TENM2: variants seen among roughly 807,000 people sequenced by gnomAD.
TENM2 encodes the protein teneurin-2.
A neutral mutation model predicts 245.2 loss-of-function variants in TENM2; 52 were observed. The ratio of observed to expected loss-of-function variants is 0.21; its 90% CI spans 0.17 to 0.27. The LOEUF (loss-of-function observed/expected upper bound fraction) is 0.27. Ranked by LOEUF, TENM2 falls within the 10% of genes least tolerant of loss-of-function variation. The pLI, the probability that TENM2 is intolerant of heterozygous loss-of-function variation, is 1.00. For missense variants in TENM2, 3,046 were observed against 3,666.8 expected (o/e 0.83, Z 4.37); for synonymous variants, 1,363 against 1,438.9 (o/e 0.95, Z 1.19).
chr5:167,850,644 TG>T, intron 2 of TENM2, among the ~76,000 whole-genome samples: 1 of 152,274 alleles, frequency 6.6e-6, no homozygotes, highest in South Asian at 2.1e-4. Flanking sequence ...GCAATAAATA[TG>T]AAACAGGAAA....
At chr5:168,147,871 C>T (rs1756246281) in intron 12 of TENM2, among the ~76,000 whole-genome samples, 1 of 152,192 alleles carries the variant, frequency 6.6e-6, no homozygotes, top group South Asian at 2.1e-4. Flanking sequence ...CTAAAAGGTA[C>T]GTTCAGCAGA....
chr5:167,781,359 T>C (rs751879557), intron 2 of TENM2, among the ~76,000 whole-genome samples: 2 of 152,200 alleles, frequency 1.3e-5, no homozygotes, highest in African/African-American at 2.4e-5. Context: ...TCCAAATACC[T>C]TTATTGGAGC....
At chr5:168,257,853 A>T (rs1238374461) in intron 27 of TENM2, among the ~76,000 whole-genome samples, 2 of 151,974 alleles carry the variant, frequency 1.3e-5, no homozygotes, top group Non-Finnish European at 2.9e-5. Flanking sequence ...TGACCTGGTG[A>T]TCCGCCTGCC....
At chr5:168,183,081 C>T (rs944411578) in intron 13 of TENM2, among the ~76,000 whole-genome samples, 3 of 152,100 alleles carry the variant, frequency 2.0e-5, no homozygotes, top group South Asian at 2.1e-4. Flanking sequence ...CCACCCGCCT[C>T]GGCTTCTCAA....
chr5:167,208,175 G>A, the TENM2 span, among the ~76,000 whole-genome samples: 1 of 147,420 alleles, frequency 6.8e-6, no homozygotes, highest in Non-Finnish European at 1.5e-5. Flanking sequence ...TACGTGTTGA[G>A]GGTCAGAAAG....
At chr5:167,072,569 C>T in the TENM2 span, among the ~76,000 whole-genome samples, 11 of 152,152 alleles carry the variant, frequency 7.2e-5, no homozygotes, top group East Asian at 1.9e-4. Flanking sequence ...TTTTACGTGC[C>T]GGGCACTGTG....
chr5:167,407,596 T>A (rs918196380), intron 2 of TENM2, among the ~76,000 whole-genome samples: 1 of 152,138 alleles, frequency 6.6e-6, no homozygotes, highest in African/African-American at 2.4e-5. Context: ...GGCGGGCAGA[T>A]CACCTGAGGT....
At chr5:167,355,941 G>C (rs1759285019) in intron 1 of TENM2, among the ~76,000 whole-genome samples, 1 of 148,548 alleles carries the variant, frequency 6.7e-6, no homozygotes, top group Admixed American at 6.8e-5. Context: ...CTAGCACTTT[G>C]GGAGGCCGAG....
At chr5:167,532,892 C>A (rs1771613370) in intron 2 of TENM2, among the ~76,000 whole-genome samples, 3 of 149,976 alleles carry the variant, frequency 2.0e-5, no homozygotes. Flanking sequence ...GTGATGAAAG[C>A]AAGACATGGG....
chr5:167,143,387 C>T, the TENM2 span, among the ~76,000 whole-genome samples: 6 of 152,176 alleles, frequency 3.9e-5, no homozygotes, highest in African/African-American at 1.4e-4. Flanking sequence ...TATGCTTTTA[C>T]CACCATTCGT....
Position 167,537,286 on chromosome 5 carries a change from G to C in TENM2, c.502+161813G>C, listed in dbSNP as rs568086354. ...AAAAAAAAGCCAGTTGGTTTTTTCA[G>C]CTAGATTTTTTCATCTGCAAAGCTA... On this transcript the variant is annotated intron_variant, in intron 2 of 28. Coordinates refer to ENST00000518659, the Ensembl canonical transcript of TENM2. Among the ~76,000 whole-genome samples the C allele has an allele frequency of 1.4e-4, 21 of 146,282 alleles. No homozygotes were observed. In the East Asian group the frequency reaches 4.2e-3, roughly 29 times the overall value.
At chr5:168,053,454 A>G (rs887602541) in intron 6 of TENM2, among the ~76,000 whole-genome samples, 8 of 152,178 alleles carry the variant, frequency 5.3e-5, no homozygotes, top group East Asian at 1.9e-4. Flanking sequence ...TATCTGGTCT[A>G]TGATCTCTAA....
chr5:167,136,598 T>C, the TENM2 span, among the ~76,000 whole-genome samples: 2 of 152,188 alleles, frequency 1.3e-5, no homozygotes, highest in Non-Finnish European at 2.9e-5. Flanking sequence ...TCCACCCCTA[T>C]TTCTTCTTTA....
chr5:167,813,123 A>T (rs1429977960), intron 2 of TENM2, among the ~76,000 whole-genome samples: 1 of 152,132 alleles, frequency 6.6e-6, no homozygotes, highest in African/African-American at 2.4e-5. Flanking sequence ...TTTCCTGGCC[A>T]CCTTTGCTGG....
chr5:167,918,295 C>G (rs1421017967), intron 3 of TENM2, among the ~76,000 whole-genome samples: 1 of 152,182 alleles, frequency 6.6e-6, no homozygotes, highest in Non-Finnish European at 1.5e-5. Context: ...TGAACATTTT[C>G]AGGATGTGAC....
At chr5:167,772,111 G>A (rs1388596850) in intron 2 of TENM2, among the ~76,000 whole-genome samples, 1 of 152,094 alleles carries the variant, frequency 6.6e-6, no homozygotes, top group African/African-American at 2.4e-5. Flanking sequence ...GTGGGCTGCT[G>A]TCAATAAAAG....
chr5:168,025,222 G>A (rs1205295465), intron 5 of TENM2, among the ~76,000 whole-genome samples: 1 of 152,200 alleles, frequency 6.6e-6, no homozygotes, highest in African/African-American at 2.4e-5. Context: ...AATATTTGAT[G>A]TGATCAGGTT....
intron 2 of TENM2, among the ~76,000 whole-genome samples, chr5:167,438,076 T>C (rs1227407905): frequency 6.6e-6 from 1 of 152,208 alleles, no homozygotes; most frequent in African/African-American, 2.4e-5. Flanking sequence ...GTGTTTGAGA[T>C]TCCTCCATAT....
chr5:167,548,310 C>T (rs896972637), intron 2 of TENM2, among the ~76,000 whole-genome samples: 2 of 152,150 alleles, frequency 1.3e-5, no homozygotes, highest in African/African-American at 4.8e-5. Context: ...AAAATTTTTT[C>T]TCCTACCAAT....
Sources: gnomAD v4.1 joint callset for allele counts (sites outside exome capture counted in the v4.1 genomes callset) on GRCh38, gnomAD v4.1.1 for gene constraint, MANE v1.5 for transcripts, NCBI Gene and HGNC (gene_info 2026-07-23, HGNC 2026-07-21) for gene names.